The following MACROD2 variants were observed in gnomAD, a reference collection of about 807,000 sequenced individuals.
MACROD2 encodes the protein mono-ADP ribosylhydrolase 2, also known as ADP-ribose glycohydrolase MACROD2.
MACROD2 carries 36 observed loss-of-function variants against 70.4 expected under a neutral mutation model. That is an observed-to-expected ratio of 0.51 (90% confidence interval 0.39 to 0.68). MACROD2 has a LOEUF of 0.68. Ranked by LOEUF, MACROD2 falls within the 30% of genes least tolerant of loss-of-function variation. The probability of loss-of-function intolerance (pLI) is 0.00; values close to 1 mark genes in which losing one functional copy is unlikely to be tolerated. For synonymous variants in MACROD2, 172 were observed against 178.8 expected, an observed-to-expected ratio of 0.96 and a Z score of 0.30; for missense variants, 496 against 538.4, an observed-to-expected ratio of 0.92 and a Z score of 0.78.
chr20:14,366,216 A>G (rs1459678436), intron 3 of MACROD2, among the ~76,000 whole-genome samples: 2 of 152,008 alleles, frequency 1.3e-5, no homozygotes, highest in Non-Finnish European at 2.9e-5. Flanking sequence ...TTCCACGATT[A>G]TTGTATAATT....
chr20:14,947,853 C>A (rs572591078), intron 5 of MACROD2, among the ~76,000 whole-genome samples: 1 of 152,278 alleles, frequency 6.6e-6, no homozygotes, highest in African/African-American at 2.4e-5. Flanking sequence ...CAACCTTGGG[C>A]AATGCTTCTA....
intron 6 of MACROD2, among the ~76,000 whole-genome samples, chr20:15,292,097 G>C (rs865791276): frequency 1.6e-4 from 24 of 152,164 alleles, no homozygotes; most frequent in Admixed American, 5.2e-4. Context: ...GCTGAACTCG[G>C]ACTCCTGGGC....
At chr20:14,310,940 C>T (rs760193731) in intron 3 of MACROD2, among the ~76,000 whole-genome samples, 21 of 151,770 alleles carry the variant, frequency 1.4e-4, no homozygotes, top group Non-Finnish European at 2.5e-4. Flanking sequence ...CTGTACAACG[C>T]GTTTGTGTTT....
chr20:14,544,062 A>G (rs139796831), intron 4 of MACROD2, among the ~76,000 whole-genome samples: 1,777 of 152,298 alleles, frequency 0.012, 34 homozygotes, highest in African/African-American at 0.035. Flanking sequence ...TCCTGCTCCT[A>G]TAAAAGGCTA....
chr20:15,503,708 T>A (rs1476694429), intron 8 of MACROD2, among the ~76,000 whole-genome samples: 1 of 152,198 alleles, frequency 6.6e-6, no homozygotes, highest in Non-Finnish European at 1.5e-5. Context: ...TTTATTCTCA[T>A]TCACCTGCTT....
At chr20:14,792,576 C>T (rs2072463496) in intron 5 of MACROD2, among the ~76,000 whole-genome samples, 2 of 152,048 alleles carry the variant, frequency 1.3e-5, no homozygotes, top group African/African-American at 2.4e-5. Context: ...ACACATAAAA[C>T]AGATTTTCTC....
chr20:14,432,760 C>A (rs2084009077), intron 3 of MACROD2, among the ~76,000 whole-genome samples: 1 of 151,992 alleles, frequency 6.6e-6, no homozygotes, highest in Admixed American at 6.6e-5. Flanking sequence ...TTCCAAATTT[C>A]TGGAATATTT....
intron 8 of MACROD2, among the ~76,000 whole-genome samples, chr20:15,547,045 C>T (rs576324885): frequency 2.0e-5 from 3 of 152,224 alleles, no homozygotes; most frequent in East Asian, 3.9e-4. Flanking sequence ...GCTGTTGAAT[C>T]GGAACCAAAG....
intron 12 of MACROD2, among the ~76,000 whole-genome samples, chr20:15,948,859 T>G (rs1025918139): frequency 6.6e-6 from 1 of 152,202 alleles, no homozygotes; most frequent in Admixed American, 6.5e-5. Context: ...TTGGGACATA[T>G]TTCTAAAGAT....
chr20:15,976,872 A>C lies in MACROD2; in HGVS notation c.985+9242A>C, dbSNP rs563698142. 3.9e-5 allele frequency among the ~76,000 whole-genome samples: 6 copies of C among 152,310 alleles called. No individual in the cohort carries two copies. The East Asian group carries it at 1.2e-3, about 29-fold the overall frequency. On this transcript the variant is annotated intron_variant, in intron 13 of 17. Transcript: ENST00000684519. ...TATTCCAAGAGATATTTGAAATAGC[A>C]CTTTATCCTCAAAGTGAAGGGTCAA...
chr20:14,757,094 TATA>T (rs1394232482), intron 5 of MACROD2, among the ~76,000 whole-genome samples: 1 of 152,180 alleles, frequency 6.6e-6, no homozygotes, highest in Non-Finnish European at 1.5e-5. Context: ...AATGGACTAA[TATA>T]ATGTTTATTG....
In MACROD2 at chr20:14,047,033, T is replaced by C. The variant is rs570379952; in HGVS notation, c.164-38588T>C. Among the ~76,000 whole-genome samples, 28 of 152,140 alleles carry C rather than the reference T, an allele frequency of 1.8e-4. No individual in the cohort carries two copies. In the South Asian group the frequency reaches 5.6e-3, roughly 30 times the overall value. ...TATTAAATGAATACCCTTACAAATA[T>C]AGAGTATAGAAAACAAATTACAGAT... On this transcript the variant is annotated intron_variant, in intron 2 of 17. Coordinates refer to ENST00000684519, the MANE Select transcript of MACROD2 (RefSeq NM_001351661.2).
chr20:16,017,929 G>C (rs1424108598), intron 15 of MACROD2, among the ~76,000 whole-genome samples: 3 of 152,178 alleles, frequency 2.0e-5, no homozygotes, highest in Non-Finnish European at 4.4e-5. Flanking sequence ...CTCCCACAGA[G>C]TCTGGGAGAA....
chr20:14,848,973 A>G (rs2073171434), intron 5 of MACROD2, among the ~76,000 whole-genome samples: 1 of 152,076 alleles, frequency 6.6e-6, no homozygotes, highest in Non-Finnish European at 1.5e-5. Context: ...TTCTCACAGG[A>G]ACAGCATTCT....
intron 5 of MACROD2, among the ~76,000 whole-genome samples, chr20:14,824,235 A>T (rs1007594910): frequency 6.6e-6 from 1 of 152,134 alleles, no homozygotes. Context: ...CTCAGAAAAT[A>T]CTTGGCTAGT....
intron 7 of MACROD2, among the ~76,000 whole-genome samples, chr20:15,466,197 T>C (rs2046885726): frequency 1.3e-5 from 2 of 152,238 alleles, no homozygotes; most frequent in South Asian, 4.1e-4. Flanking sequence ...GTGCTTATTC[T>C]TTCATTCATT....
chr20:14,024,139 G>A (rs1569120843), intron 2 of MACROD2, among the ~76,000 whole-genome samples: 1 of 152,064 alleles, frequency 6.6e-6, no homozygotes, highest in Non-Finnish European at 1.5e-5. Context: ...TGTATTCCTA[G>A]GTATTTTATT....
intron 8 of MACROD2, among the ~76,000 whole-genome samples, chr20:15,767,859 T>C (rs2051552858): frequency 6.6e-6 from 1 of 152,216 alleles, no homozygotes. Context: ...TGCTAATCCC[T>C]TTAACCACCG....
chr20:15,458,196 G>A (rs1158042719), intron 7 of MACROD2, among the ~76,000 whole-genome samples: 4 of 152,112 alleles, frequency 2.6e-5, no homozygotes, highest in Non-Finnish European at 4.4e-5. Context: ...GGATAATAAA[G>A]CATGCATGTG....
Sources: allele counts gnomAD v4.1 joint callset (sites outside exome capture counted in the v4.1 genomes callset), GRCh38; gene constraint gnomAD v4.1.1; transcripts MANE v1.5; gene names NCBI Gene and HGNC (gene_info 2026-07-23, HGNC 2026-07-21).